Variants in LUZP2 observed in about 807,000 individuals in gnomAD.
LUZP2 encodes the protein leucine zipper protein 2.
In LUZP2, 52 loss-of-function variants were observed where a neutral mutation model predicts 51.6. That is an observed-to-expected ratio of 1.01 (90% CI 0.81 to 1.27). The LOEUF is 1.27. LUZP2 is among the 50% of genes most tolerant of loss of function. The pLI is 0.00. For synonymous variants in LUZP2, 154 were observed against 137.3 expected, an observed-to-expected ratio of 1.12 and a Z score of -0.85; for missense variants, 436 against 395.4, an observed-to-expected ratio of 1.10 and a Z score of -0.87.
chr11:24,746,797 C>G (rs943731855), intron 4 of LUZP2, among the ~76,000 whole-genome samples: 1 of 152,100 alleles, frequency 6.6e-6, no homozygotes, highest in Non-Finnish European at 1.5e-5. Flanking sequence ...ATTGGAAGAC[C>G]TTGTCTTTGA....
At chr11:24,886,012 A>G (rs1215643529) in intron 5 of LUZP2, among the ~76,000 whole-genome samples, 1 of 152,172 alleles carries the variant, frequency 6.6e-6, no homozygotes, top group Non-Finnish European at 1.5e-5. Context: ...GACATCTGCC[A>G]CCAGTAGGAT....
chr11:24,977,286 T>C (rs916982003), intron 8 of LUZP2, among the ~76,000 whole-genome samples: 1 of 151,672 alleles, frequency 6.6e-6, no homozygotes, highest in African/African-American at 2.4e-5. Flanking sequence ...AATATTGATA[T>C]ACCTACAACA....
chr11:24,681,441 C>T (rs1856734581), intron 1 of LUZP2, among the ~76,000 whole-genome samples: 1 of 152,144 alleles, frequency 6.6e-6, no homozygotes, highest in Non-Finnish European at 1.5e-5. Flanking sequence ...CTTTTCAAAT[C>T]TAAGGAATTC....
At chr11:25,042,201 T>G (rs1858087103) in intron 9 of LUZP2, among the ~76,000 whole-genome samples, 1 of 151,574 alleles carries the variant, frequency 6.6e-6, no homozygotes, top group South Asian at 2.1e-4. Context: ...AAAAGACCAC[T>G]TATGTAATAT....
At chr11:24,503,775 G>A (rs1850071617) in intron 1 of LUZP2, among the ~76,000 whole-genome samples, 1 of 152,142 alleles carries the variant, frequency 6.6e-6, no homozygotes, top group Non-Finnish European at 1.5e-5. Context: ...TTATGTGAAT[G>A]TTCACTATGA....
At chr11:24,981,058 A>G (rs1285051717) in intron 8 of LUZP2, among the ~76,000 whole-genome samples, 1 of 151,908 alleles carries the variant, frequency 6.6e-6, no homozygotes, top group African/African-American at 2.4e-5. Context: ...AGCTTGTTTT[A>G]GCAAACTTCA....
At chr11:24,801,083 G>T (rs924769431) in intron 5 of LUZP2, among the ~76,000 whole-genome samples, 71 of 152,084 alleles carry the variant, frequency 4.7e-4, no homozygotes, top group Non-Finnish European at 1.6e-4. Context: ...TTGCTAAGAT[G>T]ACCATAATTT....
chr11:24,754,854 C>A (rs2134015914), intron 4 of LUZP2, among the ~76,000 whole-genome samples: 1 of 152,194 alleles, frequency 6.6e-6, no homozygotes, highest in Non-Finnish European at 1.5e-5. Context: ...CATTTAAAAC[C>A]AAAGACACTG....
At chr11:25,045,176 G>T (rs1565275677) in intron 9 of LUZP2, among the ~76,000 whole-genome samples, 1 of 151,824 alleles carries the variant, frequency 6.6e-6, no homozygotes, top group African/African-American at 2.4e-5. Context: ...CCTGCACGTT[G>T]TGCACATGTG....
chr11:25,062,843 A>C (rs1205864947), intron 10 of LUZP2, among the ~76,000 whole-genome samples: 1 of 151,516 alleles, frequency 6.6e-6, no homozygotes, highest in Non-Finnish European at 1.5e-5. Context: ...CATTGTAAAA[A>C]CGTTGTCTTA....
At chr11:24,879,021 C>T (rs762480616) in intron 5 of LUZP2, among the ~76,000 whole-genome samples, 1 of 151,850 alleles carries the variant, frequency 6.6e-6, no homozygotes, top group Admixed American at 6.6e-5. Context: ...GACTGGAGTA[C>T]AGTGGCTCAA....
chr11:24,574,281 T>C (rs1283311936), intron 1 of LUZP2, among the ~76,000 whole-genome samples: 6 of 62,318 alleles, frequency 9.6e-5, no homozygotes, highest in African/African-American at 2.5e-4. Context: ...TCTTTCTTTC[T>C]TTCTTTCCTT....
At chr11:24,784,257 G>A (rs1849175245) in intron 5 of LUZP2, among the ~76,000 whole-genome samples, 6 of 151,564 alleles carry the variant, frequency 4.0e-5, no homozygotes, top group Admixed American at 3.9e-4. Context: ...TTTATATATA[G>A]CTAATAAGCT....
Position 25,075,255 on chromosome 11 carries a change from A to T in LUZP2, c.859-2074A>T, listed in dbSNP as rs144309756. Among the ~76,000 whole-genome samples, 819 of 152,248 alleles carry T rather than the reference A, an allele frequency of 5.4e-3. 9 individuals carry two copies. The highest frequency in any genetic ancestry group is 0.019 in the African/African-American group (780 of 41,562). On this transcript the variant is annotated intron_variant, in intron 10 of 11. Coordinates refer to ENST00000336930, the MANE Select transcript of LUZP2 (RefSeq NM_001009909.4). ...TTCAGAATACTTAAAAAGTATTTAG[A>T]ATTAGGTGGTTAAGAATTCAGCTAT...
intron 1 of LUZP2, among the ~76,000 whole-genome samples, chr11:24,579,805 C>G (rs2133819055): frequency 6.6e-6 from 1 of 152,142 alleles, no homozygotes; most frequent in African/African-American, 2.4e-5. Flanking sequence ...CATTATAATT[C>G]TTCATGTCCA....
intron 9 of LUZP2, among the ~76,000 whole-genome samples, chr11:25,025,508 A>G (rs1857464498): frequency 6.6e-6 from 1 of 152,226 alleles, no homozygotes; most frequent in African/African-American, 2.4e-5. Context: ...CACTTCTCAA[A>G]AGAAGACATT....
chr11:24,552,264 G>GT (rs1347144255), intron 1 of LUZP2, among the ~76,000 whole-genome samples: 2 of 151,964 alleles, frequency 1.3e-5, no homozygotes, highest in African/African-American at 4.8e-5. Context: ...ATTTTGTCAT[G>GT]TAAGTATATG....
chr11:24,738,947 C>T (rs1369333190), intron 4 of LUZP2, among the ~76,000 whole-genome samples: 1 of 152,104 alleles, frequency 6.6e-6, no homozygotes, highest in African/African-American at 2.4e-5. Context: ...CCACCTTACG[C>T]ACCATGTATA....
intron 5 of LUZP2, among the ~76,000 whole-genome samples, chr11:24,856,428 A>G (rs574221849): frequency 6.6e-6 from 1 of 152,274 alleles, no homozygotes; most frequent in South Asian, 2.1e-4. Context: ...AAAAGTCAAT[A>G]AAAGTTATTG....
Sources: gnomAD v4.1 joint callset for allele counts (sites outside exome capture counted in the v4.1 genomes callset) on GRCh38, gnomAD v4.1.1 for gene constraint, MANE v1.5 for transcripts, NCBI Gene and HGNC (gene_info 2026-07-23, HGNC 2026-07-21) for gene names.